The following PCDH9 variants were observed in gnomAD, a reference collection of about 807,000 sequenced individuals.
PCDH9 encodes protocadherin-9.
PCDH9 carries 24 observed loss-of-function variants against 70.6 expected under a neutral mutation model. The ratio of observed to expected loss-of-function variants is 0.34; its 90% CI spans 0.25 to 0.48. The LOEUF is 0.48. Among genes scored for constraint, PCDH9 ranks in the 20% least tolerant of loss-of-function variants. The pLI, the probability that PCDH9 is intolerant of heterozygous loss-of-function variation, is 0.99. For missense variants in PCDH9, 1,281 were observed against 1,503.6 expected, an observed-to-expected ratio of 0.85 and a Z score of 2.45; for synonymous variants, 562 against 558.5, an observed-to-expected ratio of 1.01 and a Z score of -0.09.
intron 3 of PCDH9, among the ~76,000 whole-genome samples, chr13:66,692,283 A>G (rs1414801893): frequency 6.6e-6 from 1 of 152,090 alleles, no homozygotes; most frequent in Non-Finnish European, 1.5e-5. Flanking sequence ...CATGATCACA[A>G]TATATACATT....
intron 4 of PCDH9, among the ~76,000 whole-genome samples, chr13:66,438,791 A>G (rs1957922940): frequency 6.6e-6 from 1 of 152,204 alleles, no homozygotes; most frequent in South Asian, 2.1e-4. Context: ...ACTCTGGACA[A>G]TGATACAAAA....
At chr13:66,542,737 T>A (rs1482895199) in intron 4 of PCDH9, among the ~76,000 whole-genome samples, 1 of 145,008 alleles carries the variant, frequency 6.9e-6, no homozygotes, top group African/African-American at 2.5e-5. Context: ...TATATAAATA[T>A]ATATCTCCGA....
At chr13:66,806,932 T>C (rs928631276) in intron 3 of PCDH9, among the ~76,000 whole-genome samples, 2 of 152,276 alleles carry the variant, frequency 1.3e-5, no homozygotes, top group Non-Finnish European at 2.9e-5. Flanking sequence ...TTTTTAATTC[T>C]GTCTCTCATC....
chr13:66,905,655 T>C (rs753276687), intron 2 of PCDH9, among the ~76,000 whole-genome samples: 18 of 152,202 alleles, frequency 1.2e-4, no homozygotes, highest in Admixed American at 2.0e-4. Context: ...ATTTAACCCA[T>C]CATATTGTTT....
intron 4 of PCDH9, among the ~76,000 whole-genome samples, chr13:66,418,581 A>C (rs992187663): frequency 3.9e-5 from 6 of 152,224 alleles, no homozygotes; most frequent in African/African-American, 1.4e-4. Context: ...TCTGGGACAC[A>C]GCTAAATCAG....
At chr13:67,133,253 C>T (rs1198431508) in intron 2 of PCDH9, among the ~76,000 whole-genome samples, 1 of 151,968 alleles carries the variant, frequency 6.6e-6, no homozygotes, top group Admixed American at 6.6e-5. Context: ...TTTGATGGGC[C>T]TTAAACTGGA....
chr13:66,662,752 C>T (rs1361010032), intron 3 of PCDH9, among the ~76,000 whole-genome samples: 1 of 151,978 alleles, frequency 6.6e-6, no homozygotes, highest in Non-Finnish European at 1.5e-5. Context: ...TTAATAACTC[C>T]AGTTCAAGGG....
chr13:66,985,875 G>T (rs560947413), intron 2 of PCDH9: 1 of 151,974 alleles, frequency 6.6e-6, no homozygotes, highest in African/African-American at 2.4e-5. Flanking sequence ...AAAATGTGCA[G>T]AAAAATGACA....
chr13:66,379,793 T>C (rs1956812708), intron 4 of PCDH9, among the ~76,000 whole-genome samples: 1 of 152,174 alleles, frequency 6.6e-6, no homozygotes, highest in Admixed American at 6.5e-5. Context: ...TTTGCCTGTA[T>C]ATATAAATAA....
Position 66,906,274 on chromosome 13 carries a change from T to C in PCDH9, c.3037-2669A>G, listed in dbSNP as rs141071632. On this transcript the variant is annotated intron_variant, in intron 2 of 4. Transcript: ENST00000377865. ...CACATTTGAGACAGAAGGAACTGCA[T>C]ATGCAAAGGTGAGAAAACATGAATT... Among the ~76,000 whole-genome samples the C allele has an allele frequency of 8.1e-3, 1,227 of 152,248 alleles. 18 individuals carry two copies. Among genetic ancestry groups the C allele is most frequent in the African/African-American group, 0.028 (1,143 of 41,554 alleles).
At chr13:66,632,683 G>A (rs1029994166) in intron 3 of PCDH9, among the ~76,000 whole-genome samples, 6 of 152,082 alleles carry the variant, frequency 3.9e-5, no homozygotes, top group Admixed American at 6.6e-5. Flanking sequence ...TGATCTCTGA[G>A]AATATTTATA....
rs562102540 is a variant in PCDH9, at chr13:67,131,931, A to G, written c.3036+93474T>C. ...TCTGATCATAGAAGACCATTTTTCA[A>G]TAAGAACTCAATGCCTGCCTATCCA... is the stretch of plus-strand genomic sequence containing the variant. On this transcript the variant is annotated intron_variant, in intron 2 of 4. Coordinates refer to ENST00000377865, the MANE Select transcript of PCDH9 (RefSeq NM_203487.3). 5.9e-5 allele frequency among the ~76,000 whole-genome samples: 9 copies of G among 152,266 alleles called. No homozygotes were observed. The South Asian group carries it at 6.2e-4, about 11-fold the overall frequency.
chr13:66,314,968 CAT>C (rs893256216), intron 4 of PCDH9, among the ~76,000 whole-genome samples: 1 of 152,198 alleles, frequency 6.6e-6, no homozygotes, highest in Non-Finnish European at 1.5e-5. Flanking sequence ...AATCTAATCA[CAT>C]GAGTCCTTTA....
chr13:66,561,029 G>A (rs972002370), intron 4 of PCDH9, among the ~76,000 whole-genome samples: 14 of 152,338 alleles, frequency 9.2e-5, no homozygotes, highest in African/African-American at 2.6e-4. Flanking sequence ...GGCCAAGGCC[G>A]GAGCCGGCTG....
At chr13:66,363,209 G>T (rs780170421) in intron 4 of PCDH9, among the ~76,000 whole-genome samples, 19 of 152,182 alleles carry the variant, frequency 1.2e-4, no homozygotes, top group Middle Eastern at 3.4e-3. Flanking sequence ...TACAACTTGT[G>T]TAAAGGTCCT....
chr13:66,431,019 G>A (rs1270598046), intron 4 of PCDH9, among the ~76,000 whole-genome samples: 1 of 152,008 alleles, frequency 6.6e-6, no homozygotes, highest in African/African-American at 2.4e-5. Flanking sequence ...TTTGAGCACT[G>A]TTTCAGTAAA....
chr13:66,825,192 T>A (rs1279656880), intron 3 of PCDH9: 1 of 151,332 alleles, frequency 6.6e-6, no homozygotes, highest in Non-Finnish European at 1.5e-5. Flanking sequence ...GAAAAAAATA[T>A]ATATATGTAT....
chr13:66,684,121 G>A (rs112014942), intron 3 of PCDH9, among the ~76,000 whole-genome samples: 9 of 152,046 alleles, frequency 5.9e-5, no homozygotes, highest in African/African-American at 1.9e-4. Context: ...CCTTTGATTT[G>A]GTGATAGCTG....
intron 2 of PCDH9, among the ~76,000 whole-genome samples, chr13:67,194,930 CA>C (rs1002987606): frequency 2.5e-4 from 38 of 152,002 alleles, no homozygotes; most frequent in African/African-American, 8.4e-4. Context: ...GACCGTTTAT[CA>C]AAAAAAGTCA....
Sources: allele counts gnomAD v4.1 joint callset (sites outside exome capture counted in the v4.1 genomes callset), GRCh38; gene constraint gnomAD v4.1.1; transcripts MANE v1.5; gene names NCBI Gene and HGNC (gene_info 2026-07-23, HGNC 2026-07-21).